Variants in NRXN3 observed in about 807,000 individuals in gnomAD.
NRXN3 encodes the protein neurexin III.
In NRXN3, 32 loss-of-function variants were observed where a neutral mutation model predicts 137.6. The observed-to-expected ratio is 0.23, with a 90% CI of 0.18 to 0.31. The LOEUF is 0.31. Among genes scored for constraint, NRXN3 ranks in the 10% least tolerant of loss-of-function variants. NRXN3 has a pLI of 1.00. For missense variants in NRXN3, 1,574 were observed against 2,062.5 expected (o/e 0.76, Z 4.59); for synonymous variants, 798 against 784.5 (o/e 1.02, Z -0.29).
intron 15 of NRXN3, chr14:79,280,229 C>G (rs1051405799): frequency 6.3e-7 from 1 of 1,598,272 alleles, no homozygotes; most frequent in African/African-American, 1.3e-5. Flanking sequence ...GCATCATGAA[C>G]TTCATTACTC....
intron 10 of NRXN3, among the ~76,000 whole-genome samples, chr14:78,951,371 G>A (rs11159388): frequency 0.12 from 18,372 of 151,904 alleles, 2,263 homozygotes; most frequent in East Asian, 0.43. Context: ...TGCATGATTG[G>A]CTCCTTCCTA....
In NRXN3 at chr14:78,413,291, T is replaced by C. The variant is rs980795371; in HGVS notation, c.757+115431T>C. Among the ~76,000 whole-genome samples the C allele has an allele frequency of 4.6e-5, 7 of 152,286 alleles. No individual in the cohort carries two copies. In the South Asian group the frequency reaches 1.0e-3, roughly 23 times the overall value. On this transcript the variant is annotated intron_variant, in intron 4 of 20. Transcript: ENST00000335750. ...TTGAGGCAACAGGGCTAAGTTTGTT[T>C]GTTTGTTTTTTTGGACAGAGTTTTA...
At chr14:79,289,601 T>C (rs1012807293) in intron 15 of NRXN3, among the ~76,000 whole-genome samples, 1 of 151,850 alleles carries the variant, frequency 6.6e-6, no homozygotes, top group Admixed American at 6.6e-5. Flanking sequence ...GCCTGGGTGA[T>C]GAGAGAGAAA....
chr14:78,879,644 G>A (rs566535406), intron 10 of NRXN3, among the ~76,000 whole-genome samples: 4 of 152,148 alleles, frequency 2.6e-5, no homozygotes, highest in African/African-American at 7.2e-5. Flanking sequence ...ATAGAATGAC[G>A]CATTTTAAGA....
At chr14:79,250,869 T>G (rs1178352627) in intron 15 of NRXN3, among the ~76,000 whole-genome samples, 1 of 152,170 alleles carries the variant, frequency 6.6e-6, no homozygotes, top group Non-Finnish European at 1.5e-5. Flanking sequence ...CAACATGACT[T>G]AAAAGAAAGA....
At chr14:78,705,704 C>T (rs757065425) in intron 6 of NRXN3, among the ~76,000 whole-genome samples, 73 of 152,132 alleles carry the variant, frequency 4.8e-4, no homozygotes, top group Admixed American at 3.3e-4. Context: ...GAACAGATAT[C>T]GAGGCTCTTA....
At chr14:79,527,293 C>CA (rs397954192) in intron 16 of NRXN3, among the ~76,000 whole-genome samples, 33,176 of 58,602 alleles carry the variant, frequency 0.57, 11,076 homozygotes, top group East Asian at 0.73. Context: ...GACTCTGTCT[C>CA]AAAAAAAAAA....
At chr14:79,459,321 GTAATT>G (rs2096296356) in intron 15 of NRXN3, among the ~76,000 whole-genome samples, 1 of 152,032 alleles carries the variant, frequency 6.6e-6, no homozygotes, top group Non-Finnish European at 1.5e-5. Flanking sequence ...TGAATGTGGT[GTAATT>G]CATCGGGAGT....
At chr14:79,528,552 T>A (rs1466353430) in intron 16 of NRXN3, among the ~76,000 whole-genome samples, 1 of 152,174 alleles carries the variant, frequency 6.6e-6, no homozygotes, top group African/African-American at 2.4e-5. Context: ...TGTGTATATA[T>A]ATGTATATAC....
intron 15 of NRXN3, among the ~76,000 whole-genome samples, chr14:79,418,114 G>T (rs559131924): frequency 6.6e-6 from 1 of 152,248 alleles, no homozygotes; most frequent in South Asian, 2.1e-4. Flanking sequence ...CATGTGCTTT[G>T]TATTTGTACA....
At chr14:79,665,572 T>C (rs929128018) in intron 17 of NRXN3, among the ~76,000 whole-genome samples, 1 of 152,070 alleles carries the variant, frequency 6.6e-6, no homozygotes, top group African/African-American at 2.4e-5. Flanking sequence ...AAAATCAATC[T>C]CTCTCTCCAT....
intron 16 of NRXN3, among the ~76,000 whole-genome samples, chr14:79,470,877 A>T (rs112570358): frequency 1.4e-5 from 2 of 146,796 alleles, no homozygotes; most frequent in African/African-American, 5.1e-5. Context: ...TGTGTGTGAG[A>T]GAGAGAGAGA....
At chr14:79,040,684 T>G (rs2099623634) in intron 15 of NRXN3, among the ~76,000 whole-genome samples, 1 of 151,882 alleles carries the variant, frequency 6.6e-6, no homozygotes. Context: ...CAGAGAGGGG[T>G]CCCGGAAGAG....
intron 10 of NRXN3, among the ~76,000 whole-genome samples, chr14:78,911,915 T>C (rs1306226222): frequency 6.7e-6 from 1 of 150,020 alleles, no homozygotes; most frequent in Non-Finnish European, 1.5e-5. Flanking sequence ...TTTTTCCTTA[T>C]GTACAGGTTT....
chr14:79,553,614 A>G (rs751334076), intron 16 of NRXN3, among the ~76,000 whole-genome samples: 16 of 152,154 alleles, frequency 1.1e-4, no homozygotes, highest in Non-Finnish European at 1.2e-4. Flanking sequence ...GTTAGCACAT[A>G]CAGGTGGCAC....
chr14:79,272,006 G>A (rs1045465211), intron 15 of NRXN3, among the ~76,000 whole-genome samples: 12 of 152,220 alleles, frequency 7.9e-5, no homozygotes, highest in Middle Eastern at 3.4e-3. Flanking sequence ...CCCAGGATTT[G>A]AACTCTAGTC....
chr14:79,137,006 T>C (rs2058299787), intron 15 of NRXN3, among the ~76,000 whole-genome samples: 1 of 152,192 alleles, frequency 6.6e-6, no homozygotes. Flanking sequence ...TTCACTTTAA[T>C]CACCTTTTAC....
intron 15 of NRXN3, among the ~76,000 whole-genome samples, chr14:79,251,595 T>C (rs187968945): frequency 1.1e-4 from 17 of 152,202 alleles, no homozygotes; most frequent in Admixed American, 1.0e-3. Flanking sequence ...ATCACAGATA[T>C]AGATCTGGGG....
chr14:78,391,731 G>A (rs1045596202), intron 4 of NRXN3, among the ~76,000 whole-genome samples: 4 of 152,178 alleles, frequency 2.6e-5, no homozygotes, highest in African/African-American at 7.2e-5. Flanking sequence ...AAACAGAAAA[G>A]CAAAGGAATT....
Sources: allele counts gnomAD v4.1 joint callset (sites outside exome capture counted in the v4.1 genomes callset), GRCh38; gene constraint gnomAD v4.1.1; transcripts MANE v1.5; gene names NCBI Gene and HGNC (gene_info 2026-07-23, HGNC 2026-07-21).